Variants in SBNO1 observed in about 807,000 individuals in gnomAD.
The protein encoded by SBNO1 is strawberry notch homolog 1.
Under a neutral mutation model 173.6 loss-of-function variants are expected in SBNO1, and 23 were observed. The observed-to-expected ratio is 0.13, with a 90% CI of 0.10 to 0.19. SBNO1 has a LOEUF of 0.19. Among genes scored for constraint, SBNO1 ranks in the 10% least tolerant of loss-of-function variants. The pLI, the probability that SBNO1 is intolerant of heterozygous loss-of-function variation, is 1.00. For synonymous variants in SBNO1, 632 were observed against 571.5 expected, an observed-to-expected ratio of 1.11 and a Z score of -1.51; for missense variants, 1,238 against 1,671.2, an observed-to-expected ratio of 0.74 and a Z score of 4.52.
chr12:123,358,132 A>C (rs1175153990), intron 1 of SBNO1, among the ~76,000 whole-genome samples: 2 of 152,338 alleles, frequency 1.3e-5, no homozygotes, highest in African/African-American at 4.8e-5. Context: ...AAGTCTAAAC[A>C]CAAAATACAC....
At chr12:123,316,318 G>A (rs77284983) in intron 21 of SBNO1, among the ~76,000 whole-genome samples, 7,249 of 151,962 alleles carry the variant, frequency 0.048, 304 homozygotes, top group East Asian at 0.25. Flanking sequence ...TCCGCCTCCC[G>A]GGTTCAAGCG....
chr12:123,338,189 G>T (rs747765481), intron 5 of SBNO1, among the ~76,000 whole-genome samples: 1 of 152,178 alleles, frequency 6.6e-6, no homozygotes, highest in Non-Finnish European at 1.5e-5. Context: ...CAAAATAACC[G>T]GGAAATCAGG....
rs550642716 is a variant in SBNO1, at chr12:123,355,772, G to C, written c.1-5331C>G. 9.9e-5 allele frequency among the ~76,000 whole-genome samples: 15 copies of C among 152,200 alleles called. No homozygotes were observed. The South Asian group carries it at 2.5e-3, about 25-fold the overall frequency. The stretch of plus-strand genomic sequence containing the variant: ...CATTCCAGGCTGGGTGACAGAGTGA[G>C]ACCCTGTCCCAAAAAAATGAAAAAT... On this transcript the variant is annotated intron_variant, in intron 1 of 31. Coordinates refer to ENST00000602398, the MANE Select transcript of SBNO1 (RefSeq NM_001167856.3).
At chr12:123,305,753 G>A (rs2048898892) in intron 28 of SBNO1, among the ~76,000 whole-genome samples, 1 of 152,004 alleles carries the variant, frequency 6.6e-6, no homozygotes, top group Non-Finnish European at 1.5e-5. Context: ...GATTACAGAC[G>A]TGAGCCACCA....
chr12:123,309,195 A>G, intron 28 of SBNO1, 115 bp downstream of exon 28: 3 of 754,678 alleles, frequency 4.0e-6, no homozygotes, highest in Middle Eastern at 2.4e-4. Flanking sequence ...ATAAATTACC[A>G]AAATAGACAA....
Position 123,348,081 on chromosome 12 carries a change from G to A in SBNO1, c.185C>T (p.Pro62Leu), listed in dbSNP as rs1442711241. ...ELGLETEAAV[P>L]VKQEPETVPT... Reference sequence around the variant, plus strand: ...TACAGTCTCTGGTTCTTGTTTAACAGGAACTGCTGCTTCGGTCTCCAAACC... The same window carrying A: ...TACAGTCTCTGGTTCTTGTTTAACAAGAACTGCTGCTTCGGTCTCCAAACC... Residue 62 changes from proline (P) to leucine (L), a missense_variant, in exon 3 of 32, where the codon CCT becomes CTT. Pro to Leu is a moderately conservative substitution (Grantham distance 98). Coordinates refer to ENST00000602398, the MANE Select transcript of SBNO1 (RefSeq NM_001167856.3). 1 of 1,612,138 alleles carries A rather than the reference G, an allele frequency of 6.2e-7. No homozygotes were observed. Among genetic ancestry groups the A allele is most frequent in the South Asian group, 1.1e-5 (1 of 91,048 alleles).
chr12:123,321,833 G>A (rs1870008996), intron 16 of SBNO1, 101 bp from the exon 17 acceptor site: 1 of 976,674 alleles, frequency 1.0e-6, no homozygotes, highest in Admixed American at 2.3e-5. Context: ...GAAAAGTGCA[G>A]AGGAAAAGTA....
At chr12:123,352,347 T>C (rs1003731009) in intron 1 of SBNO1, among the ~76,000 whole-genome samples, 1 of 152,238 alleles carries the variant, frequency 6.6e-6, no homozygotes, top group African/African-American at 2.4e-5. Flanking sequence ...GTTTCGCTCT[T>C]GTTGCCCAAG....
chr12:123,343,040 A>G (rs536810866), intron 4 of SBNO1, among the ~76,000 whole-genome samples: 2 of 152,222 alleles, frequency 1.3e-5, no homozygotes, highest in East Asian at 3.9e-4. Flanking sequence ...TCAGGAGTTC[A>G]AGATCAGCAT....
chr12:123,352,045 CAG>C (rs1161037997), intron 1 of SBNO1, among the ~76,000 whole-genome samples: 1 of 151,864 alleles, frequency 6.6e-6, no homozygotes, highest in Non-Finnish European at 1.5e-5. Context: ...ACTATAATCT[CAG>C]GGGCCAAACT....
intron 28 of SBNO1, among the ~76,000 whole-genome samples, chr12:123,307,784 G>C (rs1283808786): frequency 6.6e-6 from 1 of 152,006 alleles, no homozygotes; most frequent in African/African-American, 2.4e-5. Context: ...TAAAAAATTA[G>C]CCACATGCCA....
At chr12:123,351,817 C>T (rs1310075317) in intron 1 of SBNO1, among the ~76,000 whole-genome samples, 1 of 152,138 alleles carries the variant, frequency 6.6e-6, no homozygotes, top group Non-Finnish European at 1.5e-5. Flanking sequence ...AAATCCATCA[C>T]ATTTAGCTTA....
intron 31 of SBNO1, 72 bp downstream of exon 31, chr12:123,297,901 CTAAGA>C (rs199611341): frequency 7.5e-7 from 1 of 1,335,976 alleles, no homozygotes; most frequent in East Asian, 2.3e-5. Flanking sequence ...TGGAATAAAG[CTAAGA>C]TATTAGCAAT....
chr12:123,331,513 A>C, intron 7 of SBNO1, 138 bp from the exon 8 acceptor site: 1 of 845,012 alleles, frequency 1.2e-6, no homozygotes, highest in Non-Finnish European at 1.7e-6. Context: ...TTTTACATAA[A>C]TTTCATAGAG....
intron 1 of SBNO1, among the ~76,000 whole-genome samples, chr12:123,352,634 G>A (rs1403572017): frequency 6.6e-6 from 1 of 152,136 alleles, no homozygotes; most frequent in African/African-American, 2.4e-5. Flanking sequence ...TCAGATGAAA[G>A]CATTTAACAA....
chr12:123,339,075 T>C (rs1045061019), intron 5 of SBNO1, among the ~76,000 whole-genome samples: 1 of 152,184 alleles, frequency 6.6e-6, no homozygotes, highest in African/African-American at 2.4e-5. Context: ...ATATGCATTC[T>C]TAGTTTCCAA....
At chr12:123,363,935 C>T (rs1250677991) in intron 1 of SBNO1, 1 of 985,372 alleles carries the variant, frequency 1.0e-6, no homozygotes, top group Non-Finnish European at 1.2e-6. Flanking sequence ...CGACCCCAAA[C>T]CACTTCTGGG....
chr12:123,350,903 C>T (rs967627551), intron 1 of SBNO1, among the ~76,000 whole-genome samples: 1 of 152,148 alleles, frequency 6.6e-6, no homozygotes, highest in African/African-American at 2.4e-5. Context: ...AGGTGGATCA[C>T]CTAAGTTCAG....
chr12:123,349,644 C>G (rs1873647844), intron 2 of SBNO1, among the ~76,000 whole-genome samples: 1 of 151,240 alleles, frequency 6.6e-6, no homozygotes, highest in Admixed American at 6.6e-5. Context: ...TGGCCGGGCA[C>G]AGTGGCTCAC....
Sources: gnomAD v4.1 joint callset for allele counts (sites outside exome capture counted in the v4.1 genomes callset) on GRCh38, gnomAD v4.1.1 for gene constraint, MANE v1.5 for transcripts, NCBI Gene and HGNC (gene_info 2026-07-23, HGNC 2026-07-21) for gene names.